The following GABRA4 variants were observed in gnomAD, a reference collection of about 807,000 sequenced individuals.
The protein encoded by GABRA4 is gamma-aminobutyric acid receptor subunit alpha-4.
Under a neutral mutation model 49.7 loss-of-function variants are expected in GABRA4, and 12 were observed. That is an observed-to-expected ratio of 0.24 (90% confidence interval 0.15 to 0.39). GABRA4 has a LOEUF of 0.39. Among genes scored for constraint, GABRA4 ranks in the 10% least tolerant of loss-of-function variants. The pLI, the probability that GABRA4 is intolerant of heterozygous loss-of-function variation, is 1.00. For synonymous variants in GABRA4, 288 were observed against 240.2 expected (o/e 1.20, Z -1.84); for missense variants, 506 against 686.0 (o/e 0.74, Z 2.93).
chr4:46,966,637 TA>T (rs891482649), intron 7 of GABRA4, among the ~76,000 whole-genome samples: 6 of 151,756 alleles, frequency 4.0e-5, no homozygotes, highest in African/African-American at 1.4e-4. Flanking sequence ...TGCATGGAAA[TA>T]AAAACTCATT....
Position 46,919,863 on chromosome 4 carries a change from T to C in GABRA4, c.*8362A>G, listed in dbSNP as rs1055417325. On this transcript the variant is annotated 3_prime_UTR_variant, in exon 9 of 9. Transcript: ENST00000264318. Reference sequence around the variant, plus strand: ...CAAACTACAGACATTCAAAGTATTATCGCATAGATACACCTTTGCATGAAA... The same window carrying C: ...CAAACTACAGACATTCAAAGTATTACCGCATAGATACACCTTTGCATGAAA... 3 of 151,704 alleles carry C rather than the reference T, an allele frequency of 2.0e-5. No individual in the cohort carries two copies. Among genetic ancestry groups the C allele is most frequent in the Non-Finnish European group, 4.4e-5 (3 of 67,674 alleles). The allele number at this position is 151,704 out of a possible 1,614,324, so 9.4% of individuals were successfully genotyped here.
intron 8 of GABRA4, among the ~76,000 whole-genome samples, chr4:46,959,816 A>ATG (rs951939809): frequency 5.8e-4 from 68 of 117,068 alleles, no homozygotes; most frequent in South Asian, 7.5e-4. Flanking sequence ...CACAAAAATT[A>ATG]TGTATATATA....
intron 8 of GABRA4, among the ~76,000 whole-genome samples, chr4:46,950,844 T>A (rs1722150724): frequency 6.6e-6 from 1 of 152,028 alleles, no homozygotes; most frequent in Admixed American, 6.6e-5. Context: ...AAGCAAGATA[T>A]CCTTATCAGA....
chr4:46,927,487 T>C lies in GABRA4; in HGVS notation c.*738A>G, dbSNP rs1721268789. Reference sequence around the variant, plus strand: ...TTTCCTAGAGAGACAGTTTCTAGCATAGTTCCTGGAACACAGTAGGCTCTG... The same window carrying C: ...TTTCCTAGAGAGACAGTTTCTAGCACAGTTCCTGGAACACAGTAGGCTCTG... On this transcript the variant is annotated 3_prime_UTR_variant, in exon 9 of 9. Coordinates refer to ENST00000264318, the MANE Select transcript of GABRA4 (RefSeq NM_000809.4). 6.6e-6 allele frequency: 1 copy of C among 152,642 alleles called. No individual in the cohort carries two copies. Among genetic ancestry groups the C allele is most frequent in the South Asian group, 2.1e-4 (1 of 4,832 alleles). 9.5% of individuals were successfully genotyped at this position (152,642 alleles called of 1,614,324 possible).
intron 7 of GABRA4, among the ~76,000 whole-genome samples, chr4:46,967,224 A>G (rs1336780277): frequency 6.6e-6 from 1 of 151,706 alleles, no homozygotes; most frequent in East Asian, 1.9e-4. Context: ...AGAATAAAAT[A>G]TGAACAGTGC....
At chr4:46,959,618 T>C (rs76132599) in intron 8 of GABRA4, among the ~76,000 whole-genome samples, 3,876 of 151,630 alleles carry the variant, frequency 0.026, 63 homozygotes, top group Middle Eastern at 0.071. Flanking sequence ...GGAAGTATGT[T>C]TCAGGGAGCC....
intron 8 of GABRA4, among the ~76,000 whole-genome samples, chr4:46,956,486 T>C (rs1321954237): frequency 6.6e-6 from 1 of 152,084 alleles, no homozygotes; most frequent in Non-Finnish European, 1.5e-5. Flanking sequence ...TTGTATATTA[T>C]GATAGCCAAC....
At chr4:46,973,346 T>C (rs1314021127) in intron 6 of GABRA4, among the ~76,000 whole-genome samples, 1 of 151,640 alleles carries the variant, frequency 6.6e-6, no homozygotes, top group Non-Finnish European at 1.5e-5. Context: ...GAGGCCCCAG[T>C]GTGAGCACCC....
chr4:46,961,526 C>T (rs150074645), intron 8 of GABRA4, among the ~76,000 whole-genome samples: 1 of 151,942 alleles, frequency 6.6e-6, no homozygotes, highest in African/African-American at 2.4e-5. Flanking sequence ...GGTACACTAT[C>T]GGCTCACAGA....
intron 8 of GABRA4, among the ~76,000 whole-genome samples, chr4:46,940,693 G>A (rs1461635797): frequency 1.3e-5 from 2 of 152,032 alleles, no homozygotes; most frequent in East Asian, 3.9e-4. Flanking sequence ...CTGTGACACC[G>A]ATTGGTAGCA....
chr4:46,948,953 T>C (rs1166746730), intron 8 of GABRA4, among the ~76,000 whole-genome samples: 1 of 152,122 alleles, frequency 6.6e-6, no homozygotes, highest in South Asian at 2.1e-4. Flanking sequence ...AAATGAGGAC[T>C]ATAGTCTGGT....
intron 5 of GABRA4, among the ~76,000 whole-genome samples, chr4:46,976,160 A>T (rs1194666481): frequency 2.6e-5 from 4 of 151,478 alleles, no homozygotes; most frequent in Non-Finnish European, 5.9e-5. Flanking sequence ...AAGGGAAGGA[A>T]TCTCATATTG....
intron 2 of GABRA4, 117 bp from the exon 3 acceptor site, chr4:46,979,215 T>G: frequency 1.6e-6 from 1 of 643,300 alleles, no homozygotes; most frequent in Non-Finnish European, 2.7e-6. Context: ...ACAAGCATCT[T>G]ACATTTTCAG....
chr4:46,983,267 A>G (rs1723420374), intron 2 of GABRA4, among the ~76,000 whole-genome samples: 1 of 152,082 alleles, frequency 6.6e-6, no homozygotes, highest in Non-Finnish European at 1.5e-5. Context: ...TGCTATACCT[A>G]CATTCCCTGC....
At chr4:46,988,976 G>A (rs940631663) in intron 2 of GABRA4, among the ~76,000 whole-genome samples, 2 of 152,146 alleles carry the variant, frequency 1.3e-5, no homozygotes, top group South Asian at 4.1e-4. Flanking sequence ...TTGTGTTGTC[G>A]TAATAATCTT....
intron 8 of GABRA4, among the ~76,000 whole-genome samples, chr4:46,943,675 G>A (rs1721889774): frequency 6.6e-6 from 1 of 152,004 alleles, no homozygotes; most frequent in African/African-American, 2.4e-5. Flanking sequence ...ATTAGCAAAG[G>A]CTATCAGCAT....
chr4:46,976,923 A>C (rs1254801852), intron 5 of GABRA4, 138 bp downstream of exon 5: 2 of 548,222 alleles, frequency 3.6e-6, no homozygotes, highest in African/African-American at 4.0e-5. Context: ...AGTTAATGAA[A>C]TCTCCAGAAA....
At chr4:46,981,040 C>G (rs979844737) in intron 2 of GABRA4, among the ~76,000 whole-genome samples, 1 of 152,076 alleles carries the variant, frequency 6.6e-6, no homozygotes, top group Non-Finnish European at 1.5e-5. Flanking sequence ...TCTGTTAAAA[C>G]AGATTGTTGA....
chr4:46,993,264 G>A, intron 1 of GABRA4, 75 bp downstream of exon 1: 1 of 1,272,766 alleles, frequency 7.9e-7, no homozygotes, highest in South Asian at 1.2e-5. Context: ...GGAGGAGCGA[G>A]TGGCCAAAGG....
Sources: gnomAD v4.1 joint callset for allele counts (sites outside exome capture counted in the v4.1 genomes callset) on GRCh38, gnomAD v4.1.1 for gene constraint, MANE v1.5 for transcripts, NCBI Gene and HGNC (gene_info 2026-07-23, HGNC 2026-07-21) for gene names.